ESYT1: variants seen among roughly 807,000 people sequenced by gnomAD.
ESYT1 encodes extended synaptotagmin 1.
Under a neutral mutation model 154.2 loss-of-function variants are expected in ESYT1, and 116 were observed. That is an observed-to-expected ratio of 0.75 (90% confidence interval 0.65 to 0.88). The LOEUF (loss-of-function observed/expected upper bound fraction) is 0.88, where lower values mean the gene tolerates loss of function less well. ESYT1 is among the 40% of genes least tolerant of loss of function. The probability of loss-of-function intolerance (pLI) is 0.00; values close to 1 mark genes in which losing one functional copy is unlikely to be tolerated. For missense variants in ESYT1, 1,264 were observed against 1,379.3 expected (o/e 0.92, Z 1.32); for synonymous variants, 500 against 539.9 (o/e 0.93, Z 1.02).
In ESYT1 at chr12:56,133,692, T is replaced by C. The variant is rs974948617; in HGVS notation, c.1380+18T>C. ...TGGAGCAGGTAAGCCACATGGGAAA[T>C]AGGAAGCTGGCAGGGGAGAAATAGG... On this transcript the variant is annotated intron_variant, in intron 12 of 30. Coordinates refer to ENST00000394048, the MANE Select transcript of ESYT1 (RefSeq NM_015292.3). 5 of 1,613,966 alleles carry C rather than the reference T, an allele frequency of 3.1e-6. No individual in the cohort carries two copies. Among genetic ancestry groups the C allele is most frequent in the East Asian group, 4.5e-5 (2 of 44,872 alleles).
intron 1 of ESYT1, chr12:56,129,348 T>A (rs1870134182): frequency 6.3e-6 from 1 of 157,708 alleles, no homozygotes; most frequent in African/African-American, 2.4e-5. Context: ...CGGCGCACAC[T>A]CCCCCGCACT....
At position 56,142,422 on chromosome 12, in the gene ESYT1, A is replaced by AG; in HGVS notation, c.2733+1dup. On this transcript the variant is annotated frameshift_variant, in exon 25 of 31. Transcript: ENST00000394048. LOFTEE classifies it high-confidence loss of function. The surrounding 1 kb of genome is among the most constrained non-coding windows in gnomAD (Gnocchi z 4.1). ...GGCAGGTGCTACTGAGAGCACAGCT[A>AG]GGGGTGAGTGACAGGAGATGGTGGG... 1 of 1,612,148 alleles carries AG rather than the reference A, an allele frequency of 6.2e-7. No homozygotes were observed. The highest frequency in any genetic ancestry group is 1.1e-5 in the South Asian group (1 of 90,938).
chr12:56,128,976 TA>T (rs1204402470), intron 1 of ESYT1: 1 of 495,076 alleles, frequency 2.0e-6, no homozygotes, highest in Non-Finnish European at 3.7e-6. Context: ...ACAGCAGTAA[TA>T]ACATCTGGGG....
intron 16 of ESYT1, 104 bp downstream of exon 16, chr12:56,136,997 A>G (rs973218177): frequency 2.9e-5 from 41 of 1,416,538 alleles, no homozygotes; most frequent in Non-Finnish European, 3.9e-5. Flanking sequence ...GAGCTAATAC[A>G]TGTAGAAGTG....
chr12:56,134,339 C>T lies in ESYT1; in HGVS notation c.1546-3C>T, dbSNP rs1278225099. On this transcript the variant is annotated splice_polypyrimidine_tract_variant and splice_region_variant and intron_variant, in intron 14 of 30. Transcript: ENST00000394048. ...ACCCTTAATCCCTCCTCTACATCTC[C>T]AGGCTGTCTACAGTACCAACTGCCC... The T allele has an allele frequency of 6.2e-7, 1 of 1,613,898 alleles. No individual in the cohort carries two copies. The highest frequency in any genetic ancestry group is 8.5e-7 in the Non-Finnish European group (1 of 1,179,932).
At chr12:56,130,133 G>A (rs1277662077) in intron 1 of ESYT1, among the ~76,000 whole-genome samples, 4 of 152,184 alleles carry the variant, frequency 2.6e-5, no homozygotes, top group Non-Finnish European at 5.9e-5. Flanking sequence ...GGCTGGTGTC[G>A]AACTCCTGAC....
rs1328076551 is a variant in ESYT1, at chr12:56,128,696, A to G, written c.377A>G (p.Glu126Gly). 2 of 1,613,588 alleles carry G rather than the reference A, an allele frequency of 1.2e-6. No individual in the cohort carries two copies. The highest frequency in any genetic ancestry group is 4.5e-5 in the East Asian group (2 of 44,868). The change falls in exon 1 of 31, where the codon GAG (glutamate) becomes GGG (glycine). Residue 126 changes from glutamate to glycine, a missense_variant. Physicochemically the swap from Glu to Gly is moderately conservative, Grantham distance 98. Coordinates refer to ENST00000394048, the MANE Select transcript of ESYT1 (RefSeq NM_015292.3). ...AAAACTCTCTATATGAGTCATCGAG[A>G]GCTACCTGCCTGGGTGAGCGACCAC... ...TAKTLYMSHR[E>G]LPAWVSFPDV...
chr12:56,139,358 C>G (rs886905343), intron 24 of ESYT1, among the ~76,000 whole-genome samples: 2 of 151,962 alleles, frequency 1.3e-5, no homozygotes, highest in Non-Finnish European at 2.9e-5. Flanking sequence ...GTGATCCGCC[C>G]ACCTCGGCCT....
In ESYT1 at chr12:56,134,356, C is replaced by A. The variant is rs1480491153; in HGVS notation, c.1560C>A (p.Thr520=). 2 of 1,614,088 alleles carry A rather than the reference C, an allele frequency of 1.2e-6. No individual in the cohort carries two copies. The highest frequency in any genetic ancestry group is 1.1e-5 in the South Asian group (1 of 91,080). The part of the protein sequence containing the change: ...VTQESKAVYS[T]NCPVWEEAFR... ...TACATCTCCAGGCTGTCTACAGTAC[C>A]AACTGCCCAGTGTGGGAGGAAGCGT... is the stretch of plus-strand genomic sequence containing the variant. Residue 520 remains threonine (T), a synonymous_variant, in exon 15 of 31, where the codon ACC becomes ACA. Transcript: ENST00000394048.
chr12:56,137,796 A>G (rs753945253), intron 18 of ESYT1, 36 bp from the exon 19 acceptor site: 1 of 1,611,324 alleles, frequency 6.2e-7, no homozygotes. Flanking sequence ...GAGGAAAAGG[A>G]GAGAATCTTT....
intron 23 of ESYT1, 43 bp from the exon 24 acceptor site, chr12:56,138,884 A>G (rs569671129): frequency 2.5e-6 from 4 of 1,612,134 alleles, no homozygotes; most frequent in African/African-American, 2.7e-5. Context: ...GATAAGAGAA[A>G]TAAGAGTATC....
intron 9 of ESYT1, 38 bp downstream of exon 9, chr12:56,132,635 C>G: frequency 6.2e-7 from 1 of 1,613,894 alleles, no homozygotes; most frequent in South Asian, 1.1e-5. Flanking sequence ...TGGGGAAGCC[C>G]CAGGAGGTTG....
intron 1 of ESYT1, among the ~76,000 whole-genome samples, chr12:56,129,908 G>A (rs1052258732): frequency 6.8e-6 from 1 of 147,782 alleles, no homozygotes; most frequent in Non-Finnish European, 1.5e-5. Flanking sequence ...GAGAAGGCTG[G>A]AAAAGGGGAC....
intron 15 of ESYT1, among the ~76,000 whole-genome samples, chr12:56,135,480 A>G (rs1870413103): frequency 6.6e-6 from 1 of 151,904 alleles, no homozygotes; most frequent in Non-Finnish European, 1.5e-5. Context: ...CCCAACATTC[A>G]GCATTTTAAA....
At chr12:56,139,609 T>G (rs906914662) in intron 24 of ESYT1, among the ~76,000 whole-genome samples, 2 of 151,436 alleles carry the variant, frequency 1.3e-5, no homozygotes, top group Non-Finnish European at 1.5e-5. Context: ...TTTTTTTTTT[T>G]TTGAGACTAG....
chr12:56,137,361 G>T lies in ESYT1; in HGVS notation c.1926G>T (p.Gln642His), dbSNP rs1370697071. ...PRPCHTTPDS[Q>H]FGTEHVLRIH... ...CCTGTCACACGACTCCTGATAGCCAGTTTGGGACTGAGGTGAGTCTATATC... is the reference window on the plus strand; with the variant it reads ...CCTGTCACACGACTCCTGATAGCCATTTTGGGACTGAGGTGAGTCTATATC... Residue 642 changes from glutamine to histidine, a missense_variant, in exon 17 of 31, where the codon CAG (glutamine) becomes CAT (histidine). Gln to His is a conservative substitution (Grantham distance 24). Coordinates refer to ENST00000394048, the MANE Select transcript of ESYT1 (RefSeq NM_015292.3). The T allele has an allele frequency of 6.2e-7, 1 of 1,614,112 alleles. No homozygotes were observed. Among genetic ancestry groups the T allele is most frequent in the East Asian group, 2.2e-5 (1 of 44,906 alleles).
rs1870718929 is a variant in ESYT1 at position 56,142,040 on chromosome 12, G to T, written c.2593-245G>T. ...TTGAACCTGGGAGGCGGAGGTTGCG[G>T]TGAGACCAGATCACGCCATGCACTC... On this transcript the variant is annotated intron_variant, in intron 24 of 30. Coordinates refer to ENST00000394048, the MANE Select transcript of ESYT1 (RefSeq NM_015292.3). This position sits in a 1 kb window ranked among gnomAD's most constrained non-coding sequence, Gnocchi z 4.1. Among the ~76,000 whole-genome samples the T allele has an allele frequency of 6.6e-6, 1 of 151,436 alleles. No individual in the cohort carries two copies. Among genetic ancestry groups the T allele is most frequent in the Non-Finnish European group, 1.5e-5 (1 of 67,874 alleles).
chr12:56,131,695 T>G, intron 6 of ESYT1, 54 bp from the exon 7 acceptor site: 1 of 1,606,722 alleles, frequency 6.2e-7, no homozygotes, highest in Non-Finnish European at 8.5e-7. Flanking sequence ...AACTGTTTGA[T>G]GGGTATGACC....
chr12:56,133,907 G>A (rs995836809), intron 13 of ESYT1, 34 bp downstream of exon 13: 1 of 1,603,654 alleles, frequency 6.2e-7, no homozygotes, highest in Non-Finnish European at 8.5e-7. Context: ...AGCCCTGGAT[G>A]TAACATTCCC....
Sources: allele counts gnomAD v4.1 joint callset (sites outside exome capture counted in the v4.1 genomes callset), GRCh38; gene constraint gnomAD v4.1.1; non-coding constraint Gnocchi (gnomAD v3.1); transcripts MANE v1.5; gene names NCBI Gene and HGNC (gene_info 2026-07-23, HGNC 2026-07-21).